NDE1: variants seen among roughly 807,000 people sequenced by gnomAD.
NDE1 encodes nuclear distribution protein nudE homolog 1.
A neutral mutation model predicts 43.4 loss-of-function variants in NDE1; 28 were observed. That is an observed-to-expected ratio of 0.65 (90% CI 0.48 to 0.89). The LOEUF (loss-of-function observed/expected upper bound fraction) is 0.89, where lower values mean the gene tolerates loss of function less well. NDE1 is among the 40% of genes least tolerant of loss of function. NDE1 has a pLI of 0.00. For synonymous variants in NDE1, 184 were observed against 172.0 expected, an observed-to-expected ratio of 1.07 and a Z score of -0.55; for missense variants, 441 against 434.1, an observed-to-expected ratio of 1.02 and a Z score of -0.14.
At chr16:15,708,570 CAT>C (rs532079170) in intron 8 of NDE1, among the ~76,000 whole-genome samples, 7 of 152,218 alleles carry the variant, frequency 4.6e-5, no homozygotes, top group Non-Finnish European at 2.9e-5. Flanking sequence ...TGTCATGTCA[CAT>C]GTGCTGCCCA....
chr16:15,668,158 T>G (rs1404719957), intron 3 of NDE1, among the ~76,000 whole-genome samples: 3 of 151,930 alleles, frequency 2.0e-5, no homozygotes, highest in Admixed American at 1.3e-4. Context: ...GGTCAAGAGA[T>G]TGAGACCATC....
At chr16:15,711,064 G>A (rs1342803574) in intron 8 of NDE1, 1 of 152,278 alleles carries the variant, frequency 6.6e-6, no homozygotes, top group East Asian at 1.9e-4. Context: ...TACTTTGGGA[G>A]CCTAGGCCTG....
intron 8 of NDE1, among the ~76,000 whole-genome samples, chr16:15,705,984 CAAA>C (rs57451847): frequency 3.7e-4 from 21 of 56,758 alleles, no homozygotes; most frequent in African/African-American, 1.6e-3. Context: ...GACTCCGTCT[CAAA>C]AAAAAAAAAA....
rs1404097881 is a variant in NDE1, at chr16:15,725,551, T to A, written c.*1300T>A. The A allele has an allele frequency of 2.7e-5, 11 of 411,170 alleles. No individual in the cohort carries two copies. The highest frequency in any genetic ancestry group is 4.7e-5 in the Non-Finnish European group (11 of 232,660). 25.5% of individuals were successfully genotyped at this position (411,170 alleles called of 1,614,324 possible). A position where few individuals can be genotyped will look rare whatever the true frequency, so the allele number is the denominator to read the frequency against. On this transcript the variant is annotated 3_prime_UTR_variant, in exon 9 of 9. Transcript: ENST00000396354. ...GCTTTTACTCCCTAGTGTCTCTGCATAAGTCCCTTTGAGGCTGTTAGCCTA... is the reference window on the plus strand; with the variant it reads ...GCTTTTACTCCCTAGTGTCTCTGCAAAAGTCCCTTTGAGGCTGTTAGCCTA...
chr16:15,707,626 G>A (rs907850984), intron 8 of NDE1, among the ~76,000 whole-genome samples: 2 of 152,134 alleles, frequency 1.3e-5, no homozygotes, highest in African/African-American at 4.8e-5. Flanking sequence ...AATGAAGATG[G>A]ACACAAATGA....
intron 1 of NDE1, among the ~76,000 whole-genome samples, chr16:15,663,235 C>A (rs1429114446): frequency 1.3e-5 from 2 of 151,220 alleles, no homozygotes; most frequent in Non-Finnish European, 2.9e-5. Flanking sequence ...CCAGTTCTTT[C>A]ATATTCTTTT....
chr16:15,666,372 A>G (rs1473340458), intron 2 of NDE1, among the ~76,000 whole-genome samples: 1 of 152,080 alleles, frequency 6.6e-6, no homozygotes, highest in Admixed American at 6.6e-5. Context: ...TAATCCCAGC[A>G]CTTTGGGTAG....
chr16:15,679,781 TG>T (rs2038080584), intron 4 of NDE1, among the ~76,000 whole-genome samples: 1 of 150,938 alleles, frequency 6.6e-6, no homozygotes, highest in South Asian at 2.1e-4. Flanking sequence ...AGTTGTTTTT[TG>T]TTTTTGTTTT....
upstream of NDE1, chr16:15,649,505 T>C (rs2036401543): frequency 6.6e-6 from 1 of 152,216 alleles, no homozygotes. Context: ...TTTTTGTATC[T>C]TTAGTAGAGA....
rs1261565972 is a variant in NDE1 at position 15,720,890 on chromosome 16, G to C, written c.948-3301G>C. 1 of 1,613,954 alleles carries C rather than the reference G, an allele frequency of 6.2e-7. No individual in the cohort carries two copies. The highest frequency in any genetic ancestry group is 8.5e-7 in the Non-Finnish European group (1 of 1,180,020). On this transcript the variant is annotated intron_variant, in intron 8 of 8. Coordinates refer to ENST00000396354, the MANE Select transcript of NDE1 (RefSeq NM_017668.3). ...CCTCATTCTGCTCGTCCCGGGCTTGGAGATCCCTTTCGAACTGGCCCTTGA... is the reference window on the plus strand; with the variant it reads ...CCTCATTCTGCTCGTCCCGGGCTTGCAGATCCCTTTCGAACTGGCCCTTGA...
chr16:15,710,903 C>T (rs2039752360), intron 8 of NDE1, among the ~76,000 whole-genome samples: 1 of 152,176 alleles, frequency 6.6e-6, no homozygotes, highest in South Asian at 2.1e-4. Flanking sequence ...GTCTCGAACT[C>T]CTGACCTCAG....
intron 8 of NDE1, chr16:15,703,843 G>C: frequency 9.0e-7 from 1 of 1,109,642 alleles, no homozygotes. Context: ...AGGGGTGTCT[G>C]TGATATTTGG....
chr16:15,714,758 A>T, intron 8 of NDE1: 1 of 1,021,740 alleles, frequency 9.8e-7, no homozygotes, highest in Non-Finnish European at 1.5e-6. Context: ...GCCCACACTA[A>T]GCTTAGTGAT....
intron 8 of NDE1, chr16:15,703,767 T>A (rs1359254170): frequency 3.3e-6 from 2 of 602,706 alleles, no homozygotes; most frequent in African/African-American, 3.7e-5. Context: ...TTTTAAATTC[T>A]TGTATAGATG....
intron 3 of NDE1, among the ~76,000 whole-genome samples, chr16:15,670,095 C>T (rs1034843926): frequency 6.6e-6 from 1 of 152,188 alleles, no homozygotes; most frequent in African/African-American, 2.4e-5. Context: ...TCCCCATCTC[C>T]CCGCCTTGCT....
At chr16:15,717,382 C>T in intron 8 of NDE1, 1 of 1,600,042 alleles carries the variant, frequency 6.2e-7, no homozygotes, top group East Asian at 2.2e-5. Context: ...GAGGCGGACT[C>T]AGGGAAGCCC....
At chr16:15,701,083 A>G (rs1353112238) in intron 8 of NDE1, among the ~76,000 whole-genome samples, 1 of 151,992 alleles carries the variant, frequency 6.6e-6, no homozygotes, top group Non-Finnish European at 1.5e-5. Context: ...TAAAAATACA[A>G]AAAATTAGCT....
chr16:15,680,766 CT>C (rs2038136318), intron 4 of NDE1, among the ~76,000 whole-genome samples: 1 of 152,124 alleles, frequency 6.6e-6, no homozygotes, highest in African/African-American at 2.4e-5. Context: ...TCTTGAACTC[CT>C]GACCTCAAGT....
chr16:15,680,293 T>TG lies in NDE1; in HGVS notation c.386+2351dup, dbSNP rs972956089. ...GTGGGAAGATACTATATTCAGAATGTGGGGGGGCCCACGGTGATAGATTTC... is the reference window on the plus strand; with the variant it reads ...GTGGGAAGATACTATATTCAGAATGTGGGGGGGGCCCACGGTGATAGATTTC... On this transcript the variant is annotated intron_variant, in intron 4 of 8. Transcript: ENST00000396354. Among the ~76,000 whole-genome samples, 13 of 152,124 alleles carry TG rather than the reference T, an allele frequency of 8.5e-5. No homozygotes were observed. In the East Asian group the frequency reaches 1.4e-3, roughly 16 times the overall value.
Sources: allele counts gnomAD v4.1 joint callset (sites outside exome capture counted in the v4.1 genomes callset), GRCh38; gene constraint gnomAD v4.1.1; transcripts MANE v1.5; gene names NCBI Gene and HGNC (gene_info 2026-07-23, HGNC 2026-07-21).